Variants in GABRB3 observed in about 807,000 individuals in gnomAD.
GABRB3 encodes gamma-aminobutyric acid type A receptor subunit beta3.
Under a neutral mutation model 52.1 loss-of-function variants are expected in GABRB3, and 14 were observed. That is an observed-to-expected ratio of 0.27 (90% CI 0.18 to 0.42). The LOEUF (loss-of-function observed/expected upper bound fraction) is 0.42. Ranked by LOEUF, GABRB3 falls within the 10% of genes least tolerant of loss-of-function variation. The probability of loss-of-function intolerance (pLI) is 1.00; values close to 1 mark genes in which losing one functional copy is unlikely to be tolerated. For synonymous variants in GABRB3, 260 were observed against 232.3 expected (o/e 1.12, Z -1.08); for missense variants, 307 against 609.1 (o/e 0.50, Z 5.22).
chr15:26,661,231 C>T (rs937792636), intron 3 of GABRB3, among the ~76,000 whole-genome samples: 14 of 152,186 alleles, frequency 9.2e-5, no homozygotes, highest in African/African-American at 3.4e-4. Context: ...GAATTCTCAA[C>T]ACTGACATGC....
chr15:26,610,224 C>T (rs12915066), intron 4 of GABRB3, among the ~76,000 whole-genome samples: 74,822 of 151,902 alleles, frequency 0.49, 19,545 homozygotes, highest in Non-Finnish European at 0.59. Flanking sequence ...TTAAAAGTAA[C>T]AGCAAAAACT....
intron 3 of GABRB3, among the ~76,000 whole-genome samples, chr15:26,729,586 C>T (rs1334275997): frequency 1.3e-5 from 2 of 152,164 alleles, no homozygotes; most frequent in Non-Finnish European, 2.9e-5. Context: ...TGGATCAGGC[C>T]CCCAAATTCT....
In GABRB3 at chr15:26,547,760, A is replaced by C. The variant is rs1185363189; in HGVS notation, c.*33T>G. On this transcript the variant is annotated 3_prime_UTR_variant, in exon 9 of 9. Transcript: ENST00000311550. ...GCAGAGTAATATTTCACTCAGTGTT[A>C]AATGAAGTCTTTGAAAAATCAAGTA... 11 of 1,560,012 alleles carry C rather than the reference A, an allele frequency of 7.1e-6. No individual in the cohort carries two copies. The highest frequency in any genetic ancestry group is 9.7e-6 in the Non-Finnish European group (11 of 1,131,354).
At chr15:26,747,732 A>C (rs1007129041) in intron 3 of GABRB3, among the ~76,000 whole-genome samples, 1 of 152,174 alleles carries the variant, frequency 6.6e-6, no homozygotes, top group African/African-American at 2.4e-5. Context: ...AAAGTAGCTA[A>C]AATAAGATAG....
chr15:26,761,597 A>T (rs996074682), intron 3 of GABRB3, among the ~76,000 whole-genome samples: 1 of 152,128 alleles, frequency 6.6e-6, no homozygotes, highest in African/African-American at 2.4e-5. Context: ...ACCTGTGTAT[A>T]TAATAGAATA....
Position 26,753,494 on chromosome 15 carries a change from T to A in GABRB3, c.240+18908A>T, listed in dbSNP as rs182303107. 3.3e-5 allele frequency among the ~76,000 whole-genome samples: 5 copies of A among 152,270 alleles called. No individual in the cohort carries two copies. The East Asian group carries it at 7.7e-4, about 24-fold the overall frequency. On this transcript the variant is annotated intron_variant, in intron 3 of 8. Coordinates refer to ENST00000311550, the MANE Select transcript of GABRB3 (RefSeq NM_000814.6). ...TGGAGAAAGAAGAAAGAGAAGAAGA[T>A]GATCTTTGGGACTGAGTGACAAGTG...
intron 3 of GABRB3, among the ~76,000 whole-genome samples, chr15:26,673,151 G>GT (rs1887951264): frequency 6.6e-6 from 1 of 152,162 alleles, no homozygotes; most frequent in Non-Finnish European, 1.5e-5. Context: ...TAAAACTCAA[G>GT]TAACTCTTGA....
intron 3 of GABRB3, among the ~76,000 whole-genome samples, chr15:26,674,410 A>C (rs1440516503): frequency 7.7e-5 from 10 of 129,852 alleles, no homozygotes; most frequent in Admixed American, 7.7e-4. Flanking sequence ...CAAAAAAAAA[A>C]AAAAAAAAAA....
intron 3 of GABRB3, among the ~76,000 whole-genome samples, chr15:26,734,007 C>G (rs2140153402): frequency 6.7e-6 from 1 of 148,244 alleles, no homozygotes; most frequent in African/African-American, 2.5e-5. Context: ...TAAATGTAAG[C>G]CCTAAAACTA....
intron 1 of GABRB3, 40 bp downstream of exon 1, chr15:26,772,843 G>A (rs781116888): frequency 1.4e-6 from 2 of 1,456,804 alleles, no homozygotes; most frequent in African/African-American, 1.5e-5. Context: ...CGCGCACCCC[G>A]CGCCCTGCCC....
chr15:26,601,126 A>C (rs536236675), intron 4 of GABRB3, among the ~76,000 whole-genome samples: 17 of 152,234 alleles, frequency 1.1e-4, no homozygotes, highest in African/African-American at 4.1e-4. Context: ...GCTCAAAATA[A>C]AAATAGAAAG....
At chr15:26,642,173 A>G (rs888916724) in intron 3 of GABRB3, among the ~76,000 whole-genome samples, 3 of 152,244 alleles carry the variant, frequency 2.0e-5, no homozygotes, top group Non-Finnish European at 4.4e-5. Context: ...CATAACAGGC[A>G]TAAGCCACCA....
chr15:26,572,445 G>C lies in GABRB3; in HGVS notation c.683-4712C>G, dbSNP rs184916320. On this transcript the variant is annotated intron_variant, in intron 6 of 8. Transcript: ENST00000311550. The stretch of plus-strand genomic sequence containing the variant: ...CCAGCAGAGCCATTCAAGATGCCAC[G>C]AGACAGAGACCTCGGAATGTTAGTC... Among the ~76,000 whole-genome samples the C allele has an allele frequency of 3.3e-5, 5 of 152,280 alleles. No individual in the cohort carries two copies. In the East Asian group the frequency reaches 7.7e-4, roughly 24 times the overall value.
At chr15:26,663,175 C>T (rs1262488483) in intron 3 of GABRB3, among the ~76,000 whole-genome samples, 1 of 152,128 alleles carries the variant, frequency 6.6e-6, no homozygotes, top group Non-Finnish European at 1.5e-5. Flanking sequence ...GACAGGCCTG[C>T]CTCGTGACCC....
At chr15:26,554,155 T>TATATATAAAGTATATATATATAG (rs1889630198) in intron 8 of GABRB3, among the ~76,000 whole-genome samples, 1 of 45,354 alleles carries the variant, frequency 2.2e-5, no homozygotes, top group Non-Finnish European at 3.8e-5. Flanking sequence ...TATATATATA[T>TATATATAAAGTATATATATATAG]ATAAAGTATA....
chr15:26,735,810 TG>T (rs1890049681), intron 3 of GABRB3, among the ~76,000 whole-genome samples: 1 of 151,380 alleles, frequency 6.6e-6, no homozygotes, highest in Non-Finnish European at 1.5e-5. Flanking sequence ...AAAAAATTAG[TG>T]GGGGATGGTG....
At chr15:26,568,399 G>A (rs1001115743) in intron 6 of GABRB3, among the ~76,000 whole-genome samples, 1 of 152,038 alleles carries the variant, frequency 6.6e-6, no homozygotes. Flanking sequence ...ACACATTTTG[G>A]AATCCTACCA....
intron 3 of GABRB3, among the ~76,000 whole-genome samples, chr15:26,737,546 G>A (rs1037112151): frequency 7.9e-5 from 12 of 152,088 alleles, no homozygotes; most frequent in Non-Finnish European, 7.4e-5. Flanking sequence ...TAATAAAGAA[G>A]TACACAGAAT....
chr15:26,707,189 ACTGAGCACTGTGGAT>A (rs1889130883), intron 3 of GABRB3, among the ~76,000 whole-genome samples: 1 of 152,178 alleles, frequency 6.6e-6, no homozygotes, highest in Non-Finnish European at 1.5e-5. Flanking sequence ...GAAGAATTGC[ACTGAGCACTGTGGAT>A]AAGGTTCCCA....
Sources: gnomAD v4.1 joint callset for allele counts (sites outside exome capture counted in the v4.1 genomes callset) on GRCh38, gnomAD v4.1.1 for gene constraint, MANE v1.5 for transcripts, NCBI Gene and HGNC (gene_info 2026-07-23, HGNC 2026-07-21) for gene names.